The following UBN2 variants were observed in gnomAD, a reference collection of about 807,000 sequenced individuals.
UBN2 encodes the protein ubinuclein 2, also known as ubinuclein-2.
In UBN2, 35 loss-of-function variants were observed where a neutral mutation model predicts 120.2. The observed-to-expected ratio is 0.29, with a 90% CI of 0.22 to 0.39. The LOEUF (loss-of-function observed/expected upper bound fraction) is 0.39. Among genes scored for constraint, UBN2 ranks in the 10% least tolerant of loss-of-function variants. The probability of loss-of-function intolerance (pLI) is 1.00; values close to 1 mark genes in which losing one functional copy is unlikely to be tolerated. For missense variants in UBN2, 1,693 were observed against 1,663.2 expected, an observed-to-expected ratio of 1.02 and a Z score of -0.31; for synonymous variants, 661 against 648.7, an observed-to-expected ratio of 1.02 and a Z score of -0.29.
chr7:139,257,401 T>C (rs73466695), intron 3 of UBN2, among the ~76,000 whole-genome samples: 2,915 of 152,236 alleles, frequency 0.019, 98 homozygotes, highest in African/African-American at 0.066. Context: ...ATATTTGCTA[T>C]TTTTCTTTCT....
rs200218682 is a variant in UBN2 at position 139,283,651 on chromosome 7, G to A, written c.2746G>A (p.Glu916Lys). Residue 916 changes from glutamate (E) to lysine (K), a missense_variant, in exon 15 of 18, where the codon GAG (glutamate) becomes AAG (lysine). Around this residue, in one of 5 missense-constraint regions of UBN2, gnomAD observed 837 missense variants for 817.6 expected, o/e 1.02. Transcript: ENST00000473989. ...AASSHALGTS[E>K]AQDASSLTQV... ...CTCTTCTCATGCTCTGGGAACATCC[G>A]AGGCCCAAGATGCTTCTTCGTTAAC... is the stretch of plus-strand genomic sequence containing the variant. The A allele has an allele frequency of 2.4e-4, 382 of 1,614,062 alleles. No individual in the cohort carries two copies. The highest frequency in any genetic ancestry group is 3.0e-4 in the Non-Finnish European group (352 of 1,180,016).
At chr7:139,257,828 T>C (rs1029786581) in intron 3 of UBN2, among the ~76,000 whole-genome samples, 1 of 152,114 alleles carries the variant, frequency 6.6e-6, no homozygotes, top group African/African-American at 2.4e-5. Flanking sequence ...TAGACCGAGT[T>C]TCACTCTTGT....
chr7:139,252,796 A>G (rs1271348838), intron 3 of UBN2, among the ~76,000 whole-genome samples: 1 of 152,202 alleles, frequency 6.6e-6, no homozygotes, highest in African/African-American at 2.4e-5. Flanking sequence ...AAAAAAAAAG[A>G]GAAAAAGGAA....
chr7:139,267,838 T>G (rs1376366267), intron 7 of UBN2, among the ~76,000 whole-genome samples: 3 of 152,022 alleles, frequency 2.0e-5, no homozygotes, highest in African/African-American at 7.3e-5. Flanking sequence ...TCAGATGGAG[T>G]CTTTTCTGCG....
chr7:139,324,570 A>AAAAG, the UBN2 span, among the ~76,000 whole-genome samples: 33 of 148,608 alleles, frequency 2.2e-4, no homozygotes, highest in African/African-American at 8.0e-4. Context: ...AAAAAAAAAA[A>AAAAG]AAAAAGAAAA....
chr7:139,273,571 CA>C (rs1797353559), intron 10 of UBN2, among the ~76,000 whole-genome samples, 161 bp downstream of exon 10: 1 of 152,196 alleles, frequency 6.6e-6, no homozygotes, highest in South Asian at 2.1e-4. Flanking sequence ...CTAATATCCT[CA>C]GAGTATTATT....
At chr7:139,296,628 C>A (rs1170173844) in intron 17 of UBN2, among the ~76,000 whole-genome samples, 2 of 152,184 alleles carry the variant, frequency 1.3e-5, no homozygotes, top group African/African-American at 4.8e-5. Context: ...CTGGTATCCC[C>A]CTTTCCTCTC....
rs1797697102 is a variant in UBN2, at chr7:139,284,019, A to T, written c.3114A>T (p.Lys1038Asn). ...CCTTCTCGATGGCTGCCTCCCCAAA[A>T]CTTGCCGCATCTCCCAAGCCTGCCA... ...KSPFSMAASP[K>N]LAASPKPATS... is the part of the protein sequence containing the mutation. Residue 1038 changes from lysine (K) to asparagine (N), a missense_variant, in exon 15 of 18, where the codon AAA becomes AAT. Physicochemically the swap from Lys to Asn is moderately conservative, Grantham distance 94. Coordinates refer to ENST00000473989, the MANE Select transcript of UBN2 (RefSeq NM_173569.4). 6.2e-7 allele frequency: 1 copy of T among 1,613,102 alleles called. No homozygotes were observed. Among genetic ancestry groups the T allele is most frequent in the African/African-American group, 1.3e-5 (1 of 74,666 alleles).
chr7:139,274,710 C>T (rs554897701), intron 11 of UBN2, among the ~76,000 whole-genome samples: 2 of 149,996 alleles, frequency 1.3e-5, no homozygotes, highest in Non-Finnish European at 3.0e-5. Flanking sequence ...TGTGGTGAGC[C>T]GAGATTGCAC....
At chr7:139,316,077 C>CAAAAAAAAAAAAAAAAAA in the UBN2 span, among the ~76,000 whole-genome samples, 1 of 14,186 alleles carries the variant, frequency 7.0e-5, no homozygotes, top group Non-Finnish European at 1.5e-4. Flanking sequence ...GACTTCGTCT[C>CAAAAAAAAAAAAAAAAAA]AAAAAAAAAA....
rs1464840284 is a variant in UBN2, at chr7:139,283,127, C to G, written c.2222C>G (p.Ser741Cys). The change falls in exon 15 of 18, where the codon TCT becomes TGT. Residue 741 changes from serine (S) to cysteine (C), a missense_variant. Ser to Cys is a moderately radical substitution (Grantham distance 112). Transcript: ENST00000473989. ...ACAGCTGCCATTGCTGCAGCTAGCTCTAGCTCTGCACCAGCCCAAGAAACC... is the reference window on the plus strand; with the variant it reads ...ACAGCTGCCATTGCTGCAGCTAGCTGTAGCTCTGCACCAGCCCAAGAAACC... Reference protein sequence around the residue: ...SSTAAIAAASSSSAPAQETIC... With the variant: ...SSTAAIAAASCSSAPAQETIC... 1.2e-6 allele frequency: 2 copies of G among 1,612,668 alleles called. No homozygotes were observed. The highest frequency in any genetic ancestry group is 1.7e-6 in the Non-Finnish European group (2 of 1,179,880).
chr7:139,292,015 A>G (rs1797971650), intron 15 of UBN2, among the ~76,000 whole-genome samples: 1 of 152,248 alleles, frequency 6.6e-6, no homozygotes, highest in East Asian at 1.9e-4. Context: ...TGGGAGGCCA[A>G]CGCAGTGAGG....
chr7:139,241,978 CAA>C (rs764640083), intron 2 of UBN2, among the ~76,000 whole-genome samples: 5 of 151,878 alleles, frequency 3.3e-5, no homozygotes, highest in African/African-American at 7.3e-5. Flanking sequence ...AGCCTGGCGA[CAA>C]GAGCGAGAAT....
chr7:139,269,826 A>C (rs978257284), intron 8 of UBN2, among the ~76,000 whole-genome samples: 1 of 150,902 alleles, frequency 6.6e-6, no homozygotes, highest in Non-Finnish European at 1.5e-5. Flanking sequence ...TTTCCTTTTG[A>C]TACGGGGTCT....
chr7:139,261,464 A>G lies in UBN2; in HGVS notation c.1118A>G (p.Asn373Ser), dbSNP rs1796931127. Reference protein sequence around the residue: ...AALGNDVPDLNLSSGDPDLPI... With the variant: ...AALGNDVPDLSLSSGDPDLPI... The stretch of plus-strand genomic sequence containing the variant: ...CTGGGGAATGACGTCCCGGACTTAA[A>G]TCTGAGCAGCGGTGATCCAGACCTT... Residue 373 changes from asparagine (N) to serine (S), a missense_variant, in exon 6 of 18, where the codon AAT becomes AGT. Physicochemically the swap from Asn to Ser is conservative, Grantham distance 46. This residue lies in a region of UBN2 where 663 missense variants were observed against 591.2 expected (regional missense o/e 1.12). Transcript: ENST00000473989. 1.2e-6 allele frequency: 2 copies of G among 1,614,118 alleles called. No homozygotes were observed. The highest frequency in any genetic ancestry group is 2.2e-5 in the East Asian group (1 of 44,904).
At chr7:139,250,538 C>A (rs1176918872) in intron 2 of UBN2, among the ~76,000 whole-genome samples, 13 of 149,358 alleles carry the variant, frequency 8.7e-5, no homozygotes. Flanking sequence ...CCGGCCCAGA[C>A]CCTGTATCAA....
intron 2 of UBN2, among the ~76,000 whole-genome samples, chr7:139,244,197 T>G (rs1470143435): frequency 1.3e-5 from 2 of 152,126 alleles, no homozygotes; most frequent in Non-Finnish European, 2.9e-5. Context: ...CTGTTCACTG[T>G]AAGAGGATAT....
chr7:139,318,795 T>C, the UBN2 span, among the ~76,000 whole-genome samples: 1 of 152,192 alleles, frequency 6.6e-6, no homozygotes, highest in Non-Finnish European at 1.5e-5. Flanking sequence ...TTCAAATTAA[T>C]TCTCAGCTTA....
Position 139,284,367 on chromosome 7 carries a change from C to T in UBN2, c.3462C>T (p.Ser1154=). 1.2e-6 allele frequency: 2 copies of T among 1,614,164 alleles called. No homozygotes were observed. The highest frequency in any genetic ancestry group is 2.2e-5 in the South Asian group (2 of 91,082). Residue 1154 remains serine (S), a synonymous_variant, in exon 15 of 18, where the codon TCC becomes TCT. Coordinates refer to ENST00000473989, the MANE Select transcript of UBN2 (RefSeq NM_173569.4). ...QAPSKLTNSS[S]TGTVGKNSLS... ...CCTCAAAGCTAACAAACTCATCATCCACTGGAACTGTTGGGAAGAACAGCT... is the reference window on the plus strand; with the variant it reads ...CCTCAAAGCTAACAAACTCATCATCTACTGGAACTGTTGGGAAGAACAGCT...
Sources: gnomAD v4.1 joint callset for allele counts (sites outside exome capture counted in the v4.1 genomes callset) on GRCh38, gnomAD v4.1.1 for gene constraint, gnomAD v4.1.1 regional missense constraint, MANE v1.5 for transcripts, NCBI Gene and HGNC (gene_info 2026-07-23, HGNC 2026-07-21) for gene names.